The following SRGAP3 variants were observed in gnomAD, a reference collection of about 807,000 sequenced individuals.
SRGAP3 encodes SLIT-ROBO Rho GTPase-activating protein 3.
In SRGAP3, 39 loss-of-function variants were observed where a neutral mutation model predicts 121.1. That is an observed-to-expected ratio of 0.32 (90% CI 0.25 to 0.42). SRGAP3 has a LOEUF of 0.42. Ranked by LOEUF, SRGAP3 falls within the 10% of genes least tolerant of loss-of-function variation. SRGAP3 has a pLI of 1.00. For missense variants in SRGAP3, 1,213 were observed against 1,470.6 expected (o/e 0.82, Z 2.86); for synonymous variants, 601 against 570.0 (o/e 1.05, Z -0.77).
chr3:9,294,090 A>G (rs1954912161), intron 3 of SRGAP3, among the ~76,000 whole-genome samples: 1 of 152,242 alleles, frequency 6.6e-6, no homozygotes, highest in South Asian at 2.1e-4. Context: ...GTAAATGCCC[A>G]TCAATGATAG....
intron 9 of SRGAP3, among the ~76,000 whole-genome samples, chr3:9,048,632 G>A (rs1328670925): frequency 1.3e-5 from 2 of 152,128 alleles, no homozygotes; most frequent in South Asian, 2.1e-4. Context: ...ACAAGCCTGG[G>A]CAACATAGCA....
At chr3:9,167,882 C>T (rs1238945556) in intron 1 of SRGAP3, among the ~76,000 whole-genome samples, 2 of 152,238 alleles carry the variant, frequency 1.3e-5, no homozygotes, top group African/African-American at 2.4e-5. Flanking sequence ...CCTCCAAGCG[C>T]ACTCCATGGT....
chr3:9,294,445 T>C (rs1954917163), intron 3 of SRGAP3, among the ~76,000 whole-genome samples: 1 of 152,008 alleles, frequency 6.6e-6, no homozygotes, highest in African/African-American at 2.4e-5. Flanking sequence ...ACTTGAGTGA[T>C]GAAATAACCA....
intron 19 of SRGAP3, 60 bp from the exon 20 acceptor site, chr3:8,993,115 G>C: frequency 6.2e-7 from 1 of 1,608,254 alleles, no homozygotes; most frequent in Non-Finnish European, 8.5e-7. Flanking sequence ...AGCATATACA[G>C]AGCTCCCTGA....
At chr3:9,145,739 G>A (rs1950001501) in intron 1 of SRGAP3, among the ~76,000 whole-genome samples, 1 of 152,210 alleles carries the variant, frequency 6.6e-6, no homozygotes, top group South Asian at 2.1e-4. Context: ...AAGGAACTCA[G>A]GAAGTAGGGG....
At chr3:9,190,876 C>A (rs955323625) in intron 1 of SRGAP3, among the ~76,000 whole-genome samples, 2 of 152,212 alleles carry the variant, frequency 1.3e-5, no homozygotes, top group East Asian at 3.9e-4. Flanking sequence ...GAGGGGAGCC[C>A]CACTGCCTTG....
intron 3 of SRGAP3, among the ~76,000 whole-genome samples, chr3:9,095,811 T>C (rs191954024): frequency 1.3e-5 from 2 of 152,186 alleles, no homozygotes; most frequent in African/African-American, 4.8e-5. Context: ...CTCATGCCTA[T>C]AATTCCAGCA....
rs1358535143 is a variant in SRGAP3, at chr3:8,982,115, G to A, written c.*3404C>T. ...CAAAAAGCTCTTTAGTGGCAGCTGAGCCACAAGGCCCAGGAAACTAGACCA... is the reference window on the plus strand; with the variant it reads ...CAAAAAGCTCTTTAGTGGCAGCTGAACCACAAGGCCCAGGAAACTAGACCA... On this transcript the variant is annotated 3_prime_UTR_variant, in exon 22 of 22. Transcript: ENST00000383836. 2 of 226,122 alleles carry A rather than the reference G, an allele frequency of 8.8e-6. No individual in the cohort carries two copies. The highest frequency in any genetic ancestry group is 1.3e-4 in the East Asian group (2 of 15,608). The allele number at this position is 226,122 out of a possible 1,614,324, so 14.0% of individuals were successfully genotyped here. A position where few individuals can be genotyped will look rare whatever the true frequency, so the allele number is the denominator to read the frequency against.
chr3:9,282,273 G>C (rs1277327911), intron 3 of SRGAP3, among the ~76,000 whole-genome samples: 1 of 152,002 alleles, frequency 6.6e-6, no homozygotes, highest in Non-Finnish European at 1.5e-5. Context: ...CTACTTATTA[G>C]TTTACTTTAA....
intron 3 of SRGAP3, among the ~76,000 whole-genome samples, chr3:9,276,480 CA>C (rs2125263035): frequency 6.6e-6 from 1 of 150,582 alleles, no homozygotes; most frequent in African/African-American, 2.4e-5. Flanking sequence ...GGCTGAAGTG[CA>C]ATGGCGCAAT....
At position 9,243,132 on chromosome 3, in the gene SRGAP3, G is replaced by C. The variant is rs1953706381; in HGVS notation, c.67+5753C>G. 3.3e-5 allele frequency among the ~76,000 whole-genome samples: 5 copies of C among 152,192 alleles called. No homozygotes were observed. In the South Asian group the frequency reaches 1.0e-3, roughly 31 times the overall value. ...TAAAATTTCAATTAAGGATTATAAG[G>C]TTTGGAACAGAGGGGGAGATATGAG... On this transcript the variant is annotated intron_variant, in intron 1 of 21. Coordinates refer to ENST00000383836, the MANE Select transcript of SRGAP3 (RefSeq NM_014850.4).
At chr3:9,122,953 T>A (rs928655975) in intron 2 of SRGAP3, among the ~76,000 whole-genome samples, 1 of 152,126 alleles carries the variant, frequency 6.6e-6, no homozygotes, top group Non-Finnish European at 1.5e-5. Flanking sequence ...CACCAACAGA[T>A]GACCAAACAA....
intron 1 of SRGAP3, among the ~76,000 whole-genome samples, chr3:9,141,366 C>T (rs1003775293): frequency 3.9e-5 from 6 of 152,178 alleles, no homozygotes; most frequent in Admixed American, 1.3e-4. Flanking sequence ...GCCACCATGC[C>T]GCCCAAATAT....
intron 3 of SRGAP3, among the ~76,000 whole-genome samples, chr3:9,312,300 A>G (rs1230191208): frequency 6.6e-6 from 1 of 152,014 alleles, no homozygotes; most frequent in African/African-American, 2.4e-5. Flanking sequence ...GACTACAGGC[A>G]CCCACCACCA....
intron 3 of SRGAP3, among the ~76,000 whole-genome samples, chr3:9,103,607 T>C (rs566228383): frequency 1.3e-5 from 2 of 152,190 alleles, no homozygotes; most frequent in African/African-American, 4.8e-5. Flanking sequence ...CAAACCACTT[T>C]GCAATAATGC....
chr3:9,139,255 A>T (rs540792275), intron 1 of SRGAP3, among the ~76,000 whole-genome samples: 36 of 152,308 alleles, frequency 2.4e-4, no homozygotes, highest in African/African-American at 8.4e-4. Context: ...CCCCCAAGAG[A>T]CATCCAGTTC....
intron 1 of SRGAP3, among the ~76,000 whole-genome samples, chr3:9,185,489 G>T (rs1406931478): frequency 6.6e-6 from 1 of 152,066 alleles, no homozygotes; most frequent in East Asian, 1.9e-4. Context: ...GGGGGGCACT[G>T]CACTGGATAA....
chr3:9,249,993 C>T (rs1953966749), upstream of SRGAP3, among the ~76,000 whole-genome samples: 1 of 152,154 alleles, frequency 6.6e-6, no homozygotes, highest in Non-Finnish European at 1.5e-5. Context: ...AGCAGAGGGC[C>T]TGACCCATGT....
intron 3 of SRGAP3, among the ~76,000 whole-genome samples, chr3:9,267,858 C>T (rs779711927): frequency 2.6e-5 from 4 of 152,134 alleles, no homozygotes; most frequent in Non-Finnish European, 4.4e-5. Flanking sequence ...AACAAGGTGC[C>T]GTTTTCTGTG....
Sources: allele counts gnomAD v4.1 joint callset (sites outside exome capture counted in the v4.1 genomes callset), GRCh38; gene constraint gnomAD v4.1.1; transcripts MANE v1.5; gene names NCBI Gene and HGNC (gene_info 2026-07-23, HGNC 2026-07-21).